Variants in FN3K observed in about 807,000 individuals in gnomAD.
FN3K encodes the protein fructosamine 3 kinase.
In FN3K, 24 loss-of-function variants were observed where a neutral mutation model predicts 24.8. That is an observed-to-expected ratio of 0.97 (90% CI 0.70 to 1.36). The LOEUF is 1.36. Among genes scored for constraint, FN3K ranks in the 40% most tolerant of loss-of-function variants. The probability of loss-of-function intolerance (pLI) is 0.00; values close to 1 mark genes in which losing one functional copy is unlikely to be tolerated. For synonymous variants in FN3K, 192 were observed against 175.2 expected, an observed-to-expected ratio of 1.10 and a Z score of -0.76; for missense variants, 449 against 416.7, an observed-to-expected ratio of 1.08 and a Z score of -0.67.
Position 82,750,915 on chromosome 17 carries a change from C to CCCCCCGT in FN3K, c.*164_*165insCGTCCCC. Reference sequence around the variant, plus strand: ...GTCCCCCCATCCTCCTGTCCCCGTCCCCCCGTCCCCGTCCCTCCATCCCTG... The same window carrying CCCCCCGT: ...GTCCCCCCATCCTCCTGTCCCCGTCCCCCCCGTCCCCGTCCCCGTCCCTCCATCCCTG... On this transcript the variant is annotated 3_prime_UTR_variant, in exon 6 of 6. Coordinates refer to ENST00000300784, the MANE Select transcript of FN3K (RefSeq NM_022158.4). 4 of 375,646 alleles carry CCCCCCGT rather than the reference C, an allele frequency of 1.1e-5. No individual in the cohort carries two copies. The highest frequency in any genetic ancestry group is 1.9e-5 in the Non-Finnish European group (4 of 212,320). 23.3% of individuals were successfully genotyped at this position (375,646 alleles called of 1,614,324 possible). A position where few individuals can be genotyped will look rare whatever the true frequency, so the allele number is the denominator to read the frequency against.
At chr17:82,736,847 G>A (rs572785811) in intron 1 of FN3K, among the ~76,000 whole-genome samples, 1 of 152,346 alleles carries the variant, frequency 6.6e-6, no homozygotes, top group East Asian at 1.9e-4. Context: ...GCAGTTTTTG[G>A]TTCAGGCTTC....
intron 1 of FN3K, 124 bp from the exon 2 acceptor site, chr17:82,738,365 C>A: frequency 7.3e-7 from 1 of 1,361,714 alleles, no homozygotes. Flanking sequence ...CAGCTCCCAG[C>A]CAGAGCCAGC....
At chr17:82,748,616 G>T (rs1598343761) in intron 4 of FN3K, among the ~76,000 whole-genome samples, 1 of 151,312 alleles carries the variant, frequency 6.6e-6, no homozygotes, top group Admixed American at 6.6e-5. Flanking sequence ...TTTGACATTC[G>T]TATTTAATGT....
At chr17:82,744,651 TAGCGTTC>T (rs1397818849) in intron 4 of FN3K, among the ~76,000 whole-genome samples, 6 of 152,020 alleles carry the variant, frequency 3.9e-5, no homozygotes, top group Admixed American at 3.9e-4. Context: ...CCCAGGGAAC[TAGCGTTC>T]AGCATATGGA....
intron 3 of FN3K, 196 bp from the exon 4 acceptor site, chr17:82,741,115 C>T (rs1234641972): frequency 2.9e-6 from 2 of 683,840 alleles, no homozygotes; most frequent in African/African-American, 3.5e-5. Flanking sequence ...TTATACCCAG[C>T]CCTGCTGTCT....
intron 1 of FN3K, chr17:82,737,728 C>G (rs1356558298): frequency 6.6e-6 from 1 of 152,232 alleles, no homozygotes; most frequent in East Asian, 1.9e-4. Flanking sequence ...ATCGTTTGAA[C>G]CCAGGAGGCG....
chr17:82,736,809 C>CAA (rs1363996137), intron 1 of FN3K, among the ~76,000 whole-genome samples: 1 of 152,252 alleles, frequency 6.6e-6, no homozygotes, highest in Non-Finnish European at 1.5e-5. Context: ...CCAAATCCCT[C>CAA]AAAGTGGGGA....
rs552526281 is a variant in FN3K at position 82,750,691 on chromosome 17, G to A, written c.866G>A (p.Trp289Ter). Reference sequence around the variant, plus strand: ...CAGCTGTTTAACTACCTGAACCACTGGAACCACTTCGGGCGGGAGTACAGG... The same window carrying A: ...CAGCTGTTTAACTACCTGAACCACTAGAACCACTTCGGGCGGGAGTACAGG... ...LYQLFNYLNH[W>*]NHFGREYRSP... Residue 289 changes from tryptophan to a stop codon, truncating the protein, a stop_gained, in exon 6 of 6, where the codon TGG becomes TAG. Coordinates refer to ENST00000300784, the MANE Select transcript of FN3K (RefSeq NM_022158.4). LOFTEE classifies it low-confidence loss of function (END_TRUNC). The A allele has an allele frequency of 6.2e-7, 1 of 1,613,696 alleles. No individual in the cohort carries two copies. The highest frequency in any genetic ancestry group is 2.2e-5 in the East Asian group (1 of 44,884).
intron 2 of FN3K, 140 bp from the exon 3 acceptor site, chr17:82,740,623 A>G (rs1255092336): frequency 3.1e-6 from 2 of 646,442 alleles, no homozygotes; most frequent in African/African-American, 3.6e-5. Context: ...AGAAAGAGTC[A>G]TTGCCTGGTG....
Position 82,741,372 on chromosome 17 carries a change from GT to G in FN3K, c.448del (p.Cys150AlafsTer8). 3 of 1,613,736 alleles carry G rather than the reference GT, an allele frequency of 1.9e-6. No individual in the cohort carries two copies. The highest frequency in any genetic ancestry group is 2.5e-6 in the Non-Finnish European group (3 of 1,179,828). Reference protein sequence around the residue: ...VDKFGFHTVTCCGFIPQVNEW... With the variant: ...VDKFGFHTVTXCGFIPQVNEW... ...ACAAGTTCGGCTTCCACACGGTGAC[GT>G]GCTGCGGCTTCATCCCGCAGGTGAG... On this transcript the variant is annotated frameshift_variant, in exon 4 of 6. Coordinates refer to ENST00000300784, the MANE Select transcript of FN3K (RefSeq NM_022158.4). LOFTEE classifies it high-confidence loss of function.
intron 5 of FN3K, chr17:82,749,392 C>G (rs2046987933): frequency 6.0e-6 from 2 of 335,680 alleles, no homozygotes; most frequent in South Asian, 2.4e-5. Flanking sequence ...CGGCCGGGCA[C>G]AGTGGTTCAC....
chr17:82,744,157 C>T (rs2046955890), intron 4 of FN3K, among the ~76,000 whole-genome samples: 1 of 151,946 alleles, frequency 6.6e-6, no homozygotes, highest in Admixed American at 6.6e-5. Flanking sequence ...GAGGGTGAGC[C>T]CAGGGGCCGA....
At chr17:82,736,758 C>T (rs945610521) in intron 1 of FN3K, among the ~76,000 whole-genome samples, 2 of 152,174 alleles carry the variant, frequency 1.3e-5, no homozygotes, top group Admixed American at 6.5e-5. Context: ...CCTGGGCGTG[C>T]GATCGGATCC....
intron 1 of FN3K, chr17:82,738,153 C>CG: frequency 3.6e-6 from 1 of 274,714 alleles, no homozygotes; most frequent in Non-Finnish European, 7.2e-6. Context: ...GTGGGTAGCC[C>CG]GGGGGTCCAG....
At chr17:82,740,931 G>C (rs1162263925) in intron 3 of FN3K, 77 bp downstream of exon 3, 18 of 962,016 alleles carry the variant, frequency 1.9e-5, no homozygotes, top group Non-Finnish European at 2.7e-5. Flanking sequence ...GGTACTTCTT[G>C]GTGGCATTTC....
At position 82,744,754 on chromosome 17, in the gene FN3K, G is replaced by A. The variant is rs1045845174; in HGVS notation, c.468+3361G>A. Among the ~76,000 whole-genome samples, 3 of 152,198 alleles carry A rather than the reference G, an allele frequency of 2.0e-5. No individual in the cohort carries two copies. The East Asian group carries it at 5.8e-4, about 29-fold the overall frequency. ...AGAGGGGGATGTGTCAGGGTCACAA[G>A]ACAATAGTGGGGAGAGGGTCAGCAG... On this transcript the variant is annotated intron_variant, in intron 4 of 5. Transcript: ENST00000300784.
At chr17:82,744,644 AG>A (rs1448792761) in intron 4 of FN3K, among the ~76,000 whole-genome samples, 1 of 152,088 alleles carries the variant, frequency 6.6e-6, no homozygotes, top group Non-Finnish European at 1.5e-5. Context: ...AAGGGGACCC[AG>A]GGAACTAGCG....
intron 2 of FN3K, among the ~76,000 whole-genome samples, chr17:82,739,009 G>A (rs570734504): frequency 4.8e-5 from 7 of 145,736 alleles, no homozygotes; most frequent in Non-Finnish European, 1.0e-4. Context: ...GTGCAGTGGT[G>A]CAATCTCGGC....
chr17:82,741,564 G>C, intron 4 of FN3K, 171 bp downstream of exon 4: 1 of 635,948 alleles, frequency 1.6e-6, no homozygotes, highest in Non-Finnish European at 2.8e-6. Context: ...GAGGGTCACT[G>C]AGCTGAGCTG....
Sources: allele counts gnomAD v4.1 joint callset (sites outside exome capture counted in the v4.1 genomes callset), GRCh38; gene constraint gnomAD v4.1.1; transcripts MANE v1.5; gene names NCBI Gene and HGNC (gene_info 2026-07-23, HGNC 2026-07-21).